Variants in LINGO2 observed in about 807,000 individuals in gnomAD.
LINGO2 encodes the protein leucine-rich repeat and immunoglobulin-like domain-containing nogo receptor-interacting protein 2.
A neutral mutation model predicts 30.6 loss-of-function variants in LINGO2; 14 were observed. That is an observed-to-expected ratio of 0.46 (90% CI 0.30 to 0.72). The LOEUF (loss-of-function observed/expected upper bound fraction) is 0.72, where lower values mean the gene tolerates loss of function less well. Ranked by LOEUF, LINGO2 falls within the 30% of genes least tolerant of loss-of-function variation. The pLI is 0.07. For missense variants in LINGO2, 729 were observed against 751.7 expected (o/e 0.97, Z 0.35); for synonymous variants, 317 against 288.5 (o/e 1.10, Z -1.00).
chr9:29,081,281 A>G, the LINGO2 span, among the ~76,000 whole-genome samples: 1 of 152,148 alleles, frequency 6.6e-6, no homozygotes, highest in Admixed American at 6.6e-5. Flanking sequence ...TTCAACATAC[A>G]CAAATCAATA....
the LINGO2 span, among the ~76,000 whole-genome samples, chr9:29,104,068 G>A: frequency 1.3e-5 from 2 of 152,078 alleles, no homozygotes; most frequent in Admixed American, 1.3e-4. Context: ...ATAACATTGG[G>A]CACAAAATTT....
At chr9:28,703,893 A>T in the LINGO2 span, among the ~76,000 whole-genome samples, 1 of 151,908 alleles carries the variant, frequency 6.6e-6, no homozygotes, top group Non-Finnish European at 1.5e-5. Flanking sequence ...TATTTTTGTC[A>T]TTCATTTCAC....
At chr9:28,259,912 A>G (rs973949136) in intron 4 of LINGO2, among the ~76,000 whole-genome samples, 2 of 151,880 alleles carry the variant, frequency 1.3e-5, no homozygotes, top group Admixed American at 6.6e-5. Context: ...CTCCTCTTGC[A>G]CCAGCAACTA....
chr9:29,028,382 T>C, the LINGO2 span, among the ~76,000 whole-genome samples: 25,649 of 139,470 alleles, frequency 0.18, 2,367 homozygotes, highest in East Asian at 0.35. Flanking sequence ...AAACTATCCA[T>C]GTAGAAGACA....
chr9:29,017,012 T>C, the LINGO2 span, among the ~76,000 whole-genome samples: 1 of 152,314 alleles, frequency 6.6e-6, no homozygotes, highest in South Asian at 2.1e-4. Context: ...ATGCCTTCAC[T>C]TTCTATTTAT....
chr9:28,111,310 G>T (rs985680122), intron 4 of LINGO2, among the ~76,000 whole-genome samples: 1 of 151,484 alleles, frequency 6.6e-6, no homozygotes, highest in African/African-American at 2.4e-5. Context: ...TCTAGATAAT[G>T]GATTGATAGG....
intron 4 of LINGO2, among the ~76,000 whole-genome samples, chr9:28,199,635 G>C (rs1016222167): frequency 6.6e-6 from 1 of 152,040 alleles, no homozygotes; most frequent in Non-Finnish European, 1.5e-5. Context: ...ACTGCGCCTG[G>C]CCCCTTCTTC....
chr9:28,210,939 G>T (rs1185564854), intron 4 of LINGO2, among the ~76,000 whole-genome samples: 1 of 151,520 alleles, frequency 6.6e-6, no homozygotes, highest in Non-Finnish European at 1.5e-5. Flanking sequence ...CTGAGATCCA[G>T]CTTAGTGGTA....
chr9:28,889,668 T>G, the LINGO2 span, among the ~76,000 whole-genome samples: 9 of 152,088 alleles, frequency 5.9e-5, no homozygotes, highest in African/African-American at 1.7e-4. Context: ...AACACATAAA[T>G]TATTTTTCTC....
intron 4 of LINGO2, chr9:28,080,980 T>A (rs1785904326): frequency 6.6e-6 from 1 of 152,212 alleles, no homozygotes; most frequent in African/African-American, 2.4e-5. Flanking sequence ...GAAGGTAGCC[T>A]GGAATAGAAG....
chr9:29,213,481 G>C, the LINGO2 span, among the ~76,000 whole-genome samples: 1 of 152,034 alleles, frequency 6.6e-6, no homozygotes, highest in Non-Finnish European at 1.5e-5. Flanking sequence ...TGCGGGGCTG[G>C]GCGGGCGGCG....
At chr9:28,011,384 A>T (rs192389136) in intron 5 of LINGO2, among the ~76,000 whole-genome samples, 1 of 152,350 alleles carries the variant, frequency 6.6e-6, no homozygotes, top group Admixed American at 6.5e-5. Flanking sequence ...GCATTAGGAA[A>T]TAGCAAGAAT....
chr9:29,090,841 T>C, the LINGO2 span, among the ~76,000 whole-genome samples: 1 of 151,980 alleles, frequency 6.6e-6, no homozygotes, highest in East Asian at 1.9e-4. Flanking sequence ...AGGAATAATA[T>C]CAACATTTTC....
the LINGO2 span, among the ~76,000 whole-genome samples, chr9:29,071,194 G>GTATTA: frequency 7.0e-6 from 1 of 143,174 alleles, no homozygotes; most frequent in Non-Finnish European, 1.5e-5. Context: ...GTATTGTATT[G>GTATTA]TATTGTATTT....
chr9:28,698,708 C>A, the LINGO2 span, among the ~76,000 whole-genome samples: 1 of 151,684 alleles, frequency 6.6e-6, no homozygotes, highest in African/African-American at 2.4e-5. Flanking sequence ...TCTCACATAC[C>A]CCTTGTCCCC....
the LINGO2 span, among the ~76,000 whole-genome samples, chr9:28,847,359 T>G: frequency 6.7e-6 from 1 of 148,242 alleles, no homozygotes; most frequent in African/African-American, 2.5e-5. Context: ...GATCCATTTT[T>G]TTTCAATTCA....
At chr9:28,510,705 T>C (rs13283188) in intron 1 of LINGO2, among the ~76,000 whole-genome samples, 101,501 of 151,264 alleles carry the variant, frequency 0.67, 36,230 homozygotes, top group South Asian at 0.81. Flanking sequence ...TGTGTGTGTG[T>C]GTGTACACAC....
At chr9:28,659,069 C>T (rs922025462) in intron 1 of LINGO2, among the ~76,000 whole-genome samples, 1 of 151,940 alleles carries the variant, frequency 6.6e-6, no homozygotes, top group Non-Finnish European at 1.5e-5. Flanking sequence ...TAAAATTATG[C>T]TACAATTTTA....
intron 1 of LINGO2, among the ~76,000 whole-genome samples, chr9:28,506,053 T>G (rs575328593): frequency 6.6e-6 from 1 of 151,994 alleles, no homozygotes; most frequent in Non-Finnish European, 1.5e-5. Flanking sequence ...TCATCAATAA[T>G]AACAATATAA....
Sources: allele counts gnomAD v4.1 joint callset (sites outside exome capture counted in the v4.1 genomes callset), GRCh38; gene constraint gnomAD v4.1.1; transcripts MANE v1.5; gene names NCBI Gene and HGNC (gene_info 2026-07-23, HGNC 2026-07-21).